The following LINGO2 variants were observed in gnomAD, a reference collection of about 807,000 sequenced individuals.
LINGO2 encodes leucine-rich repeat and immunoglobulin-like domain-containing nogo receptor-interacting protein 2.
LINGO2 carries 14 observed loss-of-function variants against 30.6 expected under a neutral mutation model. The observed-to-expected ratio is 0.46, with a 90% confidence interval of 0.30 to 0.72. The LOEUF (loss-of-function observed/expected upper bound fraction) is 0.72. Ranked by LOEUF, LINGO2 falls within the 30% of genes least tolerant of loss-of-function variation. The pLI, the probability that LINGO2 is intolerant of heterozygous loss-of-function variation, is 0.07. For synonymous variants in LINGO2, 317 were observed against 288.5 expected (o/e 1.10, Z -1.00); for missense variants, 729 against 751.7 (o/e 0.97, Z 0.35).
intron 3 of LINGO2, among the ~76,000 whole-genome samples, chr9:28,298,214 C>T (rs1823996552): frequency 6.6e-6 from 1 of 151,730 alleles, no homozygotes; most frequent in Non-Finnish European, 1.5e-5. Flanking sequence ...TTAAAATGCT[C>T]TTAGATAGTA....
In LINGO2 at chr9:28,324,154, T is replaced by C. The variant is rs1389939385; in HGVS notation, c.-245-28788A>G. 3.3e-5 allele frequency among the ~76,000 whole-genome samples: 5 copies of C among 152,270 alleles called. No individual in the cohort carries two copies. The East Asian group carries it at 7.7e-4, about 24-fold the overall frequency. Reference sequence around the variant, plus strand: ...AACCATGAAGCAAGCAAGTTTAGGATTGAAAGTCTCTGGCTTGCACGGGCC... The same window carrying C: ...AACCATGAAGCAAGCAAGTTTAGGACTGAAAGTCTCTGGCTTGCACGGGCC... On this transcript the variant is annotated intron_variant, in intron 3 of 5. Coordinates refer to ENST00000379992, the Ensembl canonical transcript of LINGO2.
chr9:28,731,276 A>T, the LINGO2 span, among the ~76,000 whole-genome samples: 1 of 152,130 alleles, frequency 6.6e-6, no homozygotes, highest in Non-Finnish European at 1.5e-5. Context: ...GGAGTGAGCC[A>T]CTGCGCCCAG....
chr9:27,987,344 G>A (rs760859996), intron 5 of LINGO2, among the ~76,000 whole-genome samples: 4 of 151,330 alleles, frequency 2.6e-5, no homozygotes, highest in African/African-American at 9.7e-5. Context: ...CCTGAGACAG[G>A]TTCTCACTAT....
the LINGO2 span, among the ~76,000 whole-genome samples, chr9:28,782,803 G>T: frequency 6.6e-6 from 1 of 152,250 alleles, no homozygotes; most frequent in South Asian, 2.1e-4. Context: ...CTAAACAAAG[G>T]AAACATTCTG....
chr9:27,997,442 A>G (rs1007044631), intron 5 of LINGO2, among the ~76,000 whole-genome samples: 2 of 151,864 alleles, frequency 1.3e-5, no homozygotes, highest in African/African-American at 4.8e-5. Flanking sequence ...ATGAACTTCA[A>G]ACCTGGCCCT....
intron 2 of LINGO2, among the ~76,000 whole-genome samples, chr9:28,376,250 G>A (rs1821126043): frequency 6.7e-6 from 1 of 149,388 alleles, no homozygotes; most frequent in South Asian, 2.1e-4. Context: ...AGAATGGGTA[G>A]GAGAAGAGAA....
the LINGO2 span, among the ~76,000 whole-genome samples, chr9:28,902,501 A>C: frequency 9.8e-5 from 15 of 152,308 alleles, no homozygotes; most frequent in African/African-American, 3.6e-4. Flanking sequence ...CAATAAGGAA[A>C]CATCAGGCTT....
chr9:29,177,896 A>G, the LINGO2 span, among the ~76,000 whole-genome samples: 1 of 152,032 alleles, frequency 6.6e-6, no homozygotes, highest in East Asian at 1.9e-4. Context: ...ACCAAGCTCC[A>G]CACCTTCATA....
At chr9:28,105,943 A>G (rs1043047826) in intron 4 of LINGO2, among the ~76,000 whole-genome samples, 4 of 152,014 alleles carry the variant, frequency 2.6e-5, no homozygotes, top group African/African-American at 9.7e-5. Context: ...ATAGCCTGGT[A>G]ATGGTCTGTG....
the LINGO2 span, among the ~76,000 whole-genome samples, chr9:28,689,518 C>T: frequency 1.1e-4 from 16 of 151,980 alleles, no homozygotes; most frequent in East Asian, 2.5e-3. Flanking sequence ...TACCATCTCA[C>T]ACCAGTCAGA....
At chr9:28,249,749 G>A (rs1464876163) in intron 4 of LINGO2, among the ~76,000 whole-genome samples, 1 of 152,082 alleles carries the variant, frequency 6.6e-6, no homozygotes, top group East Asian at 1.9e-4. Context: ...AGGAAACAAT[G>A]AGTTATCATT....
intron 1 of LINGO2, among the ~76,000 whole-genome samples, chr9:28,564,710 G>A (rs1003236369): frequency 1.3e-5 from 2 of 152,056 alleles, no homozygotes; most frequent in African/African-American, 2.4e-5. Flanking sequence ...TTAGACCTAT[G>A]CTTGCACCAA....
chr9:29,187,178 T>G, the LINGO2 span, among the ~76,000 whole-genome samples: 1 of 152,148 alleles, frequency 6.6e-6, no homozygotes, highest in Non-Finnish European at 1.5e-5. Context: ...TCCTTCACAA[T>G]CAATTCACTT....
At chr9:28,791,330 T>C in the LINGO2 span, among the ~76,000 whole-genome samples, 40 of 152,230 alleles carry the variant, frequency 2.6e-4, no homozygotes, top group Non-Finnish European at 5.3e-4. Context: ...TCTTGAACAC[T>C]GACAATGATG....
chr9:28,541,478 T>C (rs997925055), intron 1 of LINGO2, among the ~76,000 whole-genome samples: 1 of 152,120 alleles, frequency 6.6e-6, no homozygotes, highest in Non-Finnish European at 1.5e-5. Context: ...AAAACATGAA[T>C]AGAAAAACAA....
At chr9:29,187,363 C>G in the LINGO2 span, among the ~76,000 whole-genome samples, 5 of 152,124 alleles carry the variant, frequency 3.3e-5, no homozygotes, top group Non-Finnish European at 7.4e-5. Context: ...TACAATTTAA[C>G]CTGATATCTA....
intron 2 of LINGO2, among the ~76,000 whole-genome samples, chr9:28,453,054 G>C (rs977178912): frequency 6.6e-6 from 1 of 151,864 alleles, no homozygotes; most frequent in Non-Finnish European, 1.5e-5. Context: ...AAAGATAATA[G>C]ATTTGAGTAG....
At chr9:28,044,990 C>T (rs896667994) in intron 4 of LINGO2, among the ~76,000 whole-genome samples, 14 of 151,986 alleles carry the variant, frequency 9.2e-5, no homozygotes, top group African/African-American at 3.4e-4. Flanking sequence ...CTCCCATGTG[C>T]ATTTCGTAAT....
chr9:27,943,485 T>G (rs537272621), downstream of LINGO2: 3 of 152,312 alleles, frequency 2.0e-5, no homozygotes, highest in East Asian at 5.8e-4. Context: ...GCTGGCATTA[T>G]ATCAACCCAC....
Sources: gnomAD v4.1 joint callset for allele counts (sites outside exome capture counted in the v4.1 genomes callset) on GRCh38, gnomAD v4.1.1 for gene constraint, MANE v1.5 for transcripts, NCBI Gene and HGNC (gene_info 2026-07-23, HGNC 2026-07-21) for gene names.